The following PCNT variants were observed in gnomAD, a reference collection of about 807,000 sequenced individuals.
PCNT encodes the protein pericentrin.
Under a neutral mutation model 380.4 loss-of-function variants are expected in PCNT, and 319 were observed. That is an observed-to-expected ratio of 0.84 (90% CI 0.77 to 0.92). PCNT has a LOEUF of 0.92. Among genes scored for constraint, PCNT ranks in the 40% least tolerant of loss-of-function variants. PCNT has a pLI of 0.00. For missense variants in PCNT, 4,400 were observed against 4,255.3 expected, an observed-to-expected ratio of 1.03 and a Z score of -0.95; for synonymous variants, 1,845 against 1,735.2, an observed-to-expected ratio of 1.06 and a Z score of -1.57.
intron 3 of PCNT, among the ~76,000 whole-genome samples, chr21:46,337,876 G>A (rs542921234): frequency 2.0e-5 from 3 of 151,716 alleles, no homozygotes; most frequent in East Asian, 1.9e-4. Context: ...GAGCCACCGC[G>A]CAGACTGTTT....
At chr21:46,324,400 G>A in intron 1 of PCNT, 118 bp downstream of exon 1, 4 of 906,314 alleles carry the variant, frequency 4.4e-6, no homozygotes, top group Non-Finnish European at 7.1e-6. Context: ...CGCCGCGGAG[G>A]TCTCGCTTTT....
chr21:46,425,827 A>T lies in PCNT; in HGVS notation c.7180-4A>T. The T allele has an allele frequency of 6.2e-7, 1 of 1,613,444 alleles. No individual in the cohort carries two copies. Among genetic ancestry groups the T allele is most frequent in the Non-Finnish European group, 8.5e-7 (1 of 1,179,992 alleles). On this transcript the variant is annotated splice_region_variant and splice_polypyrimidine_tract_variant and intron_variant, in intron 32 of 46. Coordinates refer to ENST00000359568, the MANE Select transcript of PCNT (RefSeq NM_006031.6). This position sits in a 1 kb window ranked among gnomAD's most constrained non-coding sequence, Gnocchi z 4.2. ...CTCCCTTCTGACGCGCTTTCCCGCC[A>T]CAGGCTTTACTGCAGATGGTGCGTG...
At chr21:46,376,949 G>T (rs908519736) in intron 15 of PCNT, among the ~76,000 whole-genome samples, 3 of 152,200 alleles carry the variant, frequency 2.0e-5, no homozygotes, top group African/African-American at 7.2e-5. Flanking sequence ...AGTGACTTCA[G>T]TGTTGTGCCG....
At position 46,411,472 on chromosome 21, in the gene PCNT, A is replaced by C; in HGVS notation, c.5399A>C (p.Glu1800Ala). 1.2e-6 allele frequency: 2 copies of C among 1,610,284 alleles called. No individual in the cohort carries two copies. The highest frequency in any genetic ancestry group is 1.7e-6 in the Non-Finnish European group (2 of 1,178,974). Residue 1800 changes from glutamate (E) to alanine (A), a missense_variant, in exon 28 of 47, where the codon GAG (glutamate) becomes GCG (alanine). Coordinates refer to ENST00000359568, the MANE Select transcript of PCNT (RefSeq NM_006031.6). Reference protein sequence around the residue: ...GELEAALEAKEALSRLLADQE... With the variant: ...GELEAALEAKAALSRLLADQE... ...CTCGAGGCTGCGCTGGAAGCCAAGG[A>C]GGCCCTGAGCCGGCTGCTGGCTGAC... is the stretch of plus-strand genomic sequence containing the variant.
rs553012767 is a variant in PCNT, at chr21:46,340,844, A to AT, written c.640-5275dup. Among the ~76,000 whole-genome samples, 544 of 150,584 alleles carry AT rather than the reference A, an allele frequency of 3.6e-3. 2 individuals carry two copies. The highest frequency in any genetic ancestry group is 0.011 in the East Asian group (56 of 5,114). On this transcript the variant is annotated intron_variant, in intron 3 of 46. Coordinates refer to ENST00000359568, the MANE Select transcript of PCNT (RefSeq NM_006031.6). ...GCCACCATGCTGGGCTAATTTTTGT[A>AT]TTTTTTTTTAGTAGAGACGGGGTTT... is the stretch of plus-strand genomic sequence containing the variant.
At chr21:46,397,727 C>T (rs1419130701) in intron 22 of PCNT, among the ~76,000 whole-genome samples, 1 of 152,184 alleles carries the variant, frequency 6.6e-6, no homozygotes, top group East Asian at 1.9e-4. Flanking sequence ...CTCCTTCTCA[C>T]AGTCACGGAG....
intron 32 of PCNT, among the ~76,000 whole-genome samples, chr21:46,424,282 C>T (rs1029011561): frequency 1.3e-5 from 2 of 152,228 alleles, no homozygotes; most frequent in Non-Finnish European, 2.9e-5. Context: ...AGGGTAGGTG[C>T]TGGAGCTCAG....
At chr21:46,378,339 G>A (rs2085398648) in intron 15 of PCNT, among the ~76,000 whole-genome samples, 1 of 152,102 alleles carries the variant, frequency 6.6e-6, no homozygotes, top group African/African-American at 2.4e-5. Context: ...TAACTGAAAG[G>A]CATCACTCTA....
chr21:46,353,903 G>C (rs1036530784), intron 10 of PCNT, 84 bp from the exon 11 acceptor site: 4 of 1,193,450 alleles, frequency 3.4e-6, no homozygotes, highest in Non-Finnish European at 4.9e-6. Flanking sequence ...CCTCTGCTGT[G>C]AGCAGTCGGT....
At chr21:46,357,227 C>G in intron 13 of PCNT, 36 bp downstream of exon 13, 1 of 1,403,036 alleles carries the variant, frequency 7.1e-7, no homozygotes, top group Non-Finnish European at 1.0e-6. Context: ...GCCTCCCGCC[C>G]GAGTCCTTGC....
chr21:46,332,572 C>T (rs184564784), intron 2 of PCNT, among the ~76,000 whole-genome samples: 1 of 152,338 alleles, frequency 6.6e-6, no homozygotes, highest in East Asian at 1.9e-4. Flanking sequence ...CTGATTGAGA[C>T]TACTGTGTCC....
intron 15 of PCNT, among the ~76,000 whole-genome samples, chr21:46,379,452 C>T (rs2085441370): frequency 6.6e-6 from 1 of 152,104 alleles, no homozygotes; most frequent in Non-Finnish European, 1.5e-5. Flanking sequence ...TCAGTTTGTC[C>T]TACTTGGAGT....
intron 13 of PCNT, among the ~76,000 whole-genome samples, chr21:46,360,892 G>A (rs755727449): frequency 6.6e-6 from 1 of 152,112 alleles, no homozygotes; most frequent in Non-Finnish European, 1.5e-5. Flanking sequence ...AATGTTTAAG[G>A]TAATTACTGG....
intron 15 of PCNT, 73 bp downstream of exon 15, chr21:46,367,212 A>C (rs926316341): frequency 3.0e-6 from 4 of 1,328,352 alleles, no homozygotes; most frequent in Non-Finnish European, 4.2e-6. Flanking sequence ...ACCGCGTGTC[A>C]CATGTCTGCG....
rs775215850 is a variant in PCNT, at chr21:46,389,199, C to T, written c.3608C>T (p.Ala1203Val). Residue 1203 changes from alanine to valine, a missense_variant and splice_region_variant, in exon 19 of 47, where the codon GCT (alanine) becomes GTT (valine). Ala to Val is a moderately conservative substitution (Grantham distance 64). Transcript: ENST00000359568. ...DAGAGLALST[A>V]PALEETWSDV... The stretch of plus-strand genomic sequence containing the variant: ...GTGCCGGCATCTGCTCATCTTGTAG[C>T]TCCGGCGCTGGAGGAGACATGGTCT... The T allele has an allele frequency of 6.2e-7, 1 of 1,613,812 alleles. No homozygotes were observed. The highest frequency in any genetic ancestry group is 8.5e-7 in the Non-Finnish European group (1 of 1,179,732).
chr21:46,415,814 C>T lies in PCNT; in HGVS notation c.6151-255C>T, dbSNP rs538690323. 1.3e-4 allele frequency among the ~76,000 whole-genome samples: 20 copies of T among 152,310 alleles called. No homozygotes were observed. In the East Asian group the frequency reaches 3.7e-3, roughly 28 times the overall value. On this transcript the variant is annotated intron_variant, in intron 29 of 46. Transcript: ENST00000359568. ...TCGGTGCTCAGATATAGAACCTTCC[C>T]ATCCTTTTTCCCTTGTATGAAGCTT... is the stretch of plus-strand genomic sequence containing the variant.
chr21:46,355,714 A>C (rs1433909341), intron 12 of PCNT, 88 bp downstream of exon 12: 1 of 1,351,010 alleles, frequency 7.4e-7, no homozygotes, highest in Non-Finnish European at 1.0e-6. Flanking sequence ...GTTCGATCCA[A>C]GTCCTCCGTG....
At position 46,406,437 on chromosome 21, in the gene PCNT, C is replaced by T. The variant is rs190079771; in HGVS notation, c.5115+3954C>T. ...TTAAAATAATTATCTAGTTGTTTAC[C>T]GTGAATACACATACACCTTTTGTAT... On this transcript the variant is annotated intron_variant, in intron 27 of 46. Coordinates refer to ENST00000359568, the MANE Select transcript of PCNT (RefSeq NM_006031.6). Among the ~76,000 whole-genome samples, 97 of 152,182 alleles carry T rather than the reference C, an allele frequency of 6.4e-4. 1 individual carries two copies. Among genetic ancestry groups the T allele is most frequent in the African/African-American group, 2.2e-3 (90 of 41,510 alleles).
intron 13 of PCNT, 110 bp from the exon 14 acceptor site, chr21:46,363,370 G>A (rs1395517609): frequency 1.3e-6 from 1 of 788,946 alleles, no homozygotes; most frequent in Non-Finnish European, 2.2e-6. Context: ...AGCGTAATGG[G>A]TGTGTGTGTG....
Sources: gnomAD v4.1 joint callset for allele counts (sites outside exome capture counted in the v4.1 genomes callset) on GRCh38, gnomAD v4.1.1 for gene constraint, Gnocchi (gnomAD v3.1) non-coding constraint, MANE v1.5 for transcripts, NCBI Gene and HGNC (gene_info 2026-07-23, HGNC 2026-07-21) for gene names.